The following SEC16B variants were observed in gnomAD, a reference collection of about 807,000 sequenced individuals.
SEC16B encodes the protein SEC16 homolog B, endoplasmic reticulum export factor, also known as protein transport protein Sec16B.
SEC16B carries 115 observed loss-of-function variants against 141.8 expected under a neutral mutation model. That is an observed-to-expected ratio of 0.81 (90% CI 0.70 to 0.95). SEC16B has a LOEUF of 0.95. Among genes scored for constraint, SEC16B ranks in the 40% least tolerant of loss-of-function variants. SEC16B has a pLI of 0.00. For missense variants in SEC16B, 1,291 were observed against 1,312.3 expected, an observed-to-expected ratio of 0.98 and a Z score of 0.25; for synonymous variants, 493 against 492.5, an observed-to-expected ratio of 1.00 and a Z score of -0.01.
At chr1:177,944,753 G>T in intron 14 of SEC16B, 87 bp from the exon 15 acceptor site, 1 of 1,080,818 alleles carries the variant, frequency 9.3e-7, no homozygotes, top group Non-Finnish European at 1.4e-6. Context: ...ACCAGCTGCA[G>T]CCTTTCATGG....
upstream of SEC16B, among the ~76,000 whole-genome samples, chr1:177,973,669 C>A (rs76579149): frequency 0.046 from 7,052 of 152,148 alleles, 213 homozygotes; most frequent in African/African-American, 0.06. Flanking sequence ...GTTTATTGAA[C>A]ACCTACTATA....
At chr1:177,966,980 G>A (rs1184857734) in intron 2 of SEC16B, among the ~76,000 whole-genome samples, 1 of 152,198 alleles carries the variant, frequency 6.6e-6, no homozygotes, top group Non-Finnish European at 1.5e-5. Context: ...AACTGGAAAA[G>A]CTGAAGTAGA....
At position 177,958,840 on chromosome 1, in the gene SEC16B, C is replaced by T; in HGVS notation, c.1134G>A (p.Gly378=). Residue 378 remains glycine, a splice_region_variant and synonymous_variant, in exon 9 of 26, where the codon GGG becomes GGA. Coordinates refer to ENST00000308284, the MANE Select transcript of SEC16B (RefSeq NM_033127.4). ...QLLVLLCRQN[G]SMVGSDIAEL... ...GCTCTCCCACCAGAACAGAACTTAC[C>T]CCATTCTGGCGACAAAGGAGAACCA... 1 of 1,613,118 alleles carries T rather than the reference C, an allele frequency of 6.2e-7. No individual in the cohort carries two copies. Among genetic ancestry groups the T allele is most frequent in the Non-Finnish European group, 8.5e-7 (1 of 1,179,386 alleles).
intron 2 of SEC16B, among the ~76,000 whole-genome samples, chr1:177,967,348 T>C (rs902843836): frequency 2.0e-5 from 3 of 152,126 alleles, no homozygotes; most frequent in African/African-American, 7.2e-5. Flanking sequence ...ATAAATGAAC[T>C]TTTGCAATCC....
At position 177,947,771 on chromosome 1, in the gene SEC16B, A is replaced by AGGGGAGGGGAGGGACAGGGAGGGGG. The variant is rs1557976309; in HGVS notation, c.1663+53_1663+54insCCCCCTCCCTGTCCCTCCCCTCCCC. 6 of 856,848 alleles carry AGGGGAGGGGAGGGACAGGGAGGGGG rather than the reference A, an allele frequency of 7.0e-6. No individual in the cohort carries two copies. In the African/African-American group the frequency reaches 1.2e-4, roughly 17 times the overall value. The allele number at this position is 856,848 out of a possible 1,614,324, so 53.1% of individuals were successfully genotyped here. On this transcript the variant is annotated intron_variant, in intron 13 of 25. Transcript: ENST00000308284. The stretch of plus-strand genomic sequence containing the variant: ...AGGTGAGGAAAGGGACAGGGAGGGG[A>AGGGGAGGGGAGGGACAGGGAGGGGG]GGGGAGGGAAGGGACAGGGAGGGGA...
At position 177,933,291 on chromosome 1, in the gene SEC16B, T is replaced by C; in HGVS notation, c.2746A>G (p.Ser916Gly). The change falls in exon 22 of 26, where the codon AGC (serine) becomes GGC (glycine). Residue 916 changes from serine to glycine, a missense_variant. Transcript: ENST00000308284. ...HTKSSGFGWF[S>G]WFRSKPTKNA... ...TTGGTGGGCTTCGATCGAAACCAGC[T>C]GAACCAGCCAAACCCTGAGCTCTGG... 6.2e-7 allele frequency: 1 copy of C among 1,600,532 alleles called. No individual in the cohort carries two copies. The highest frequency in any genetic ancestry group is 8.5e-7 in the Non-Finnish European group (1 of 1,173,692).
chr1:177,949,709 C>T (rs554588753), intron 12 of SEC16B, among the ~76,000 whole-genome samples: 2 of 152,188 alleles, frequency 1.3e-5, no homozygotes, highest in South Asian at 4.2e-4. Flanking sequence ...AGCCAAGTTC[C>T]CCTGGCAGAA....
At chr1:177,939,145 T>C (rs1324186850) in intron 18 of SEC16B, among the ~76,000 whole-genome samples, 1 of 152,196 alleles carries the variant, frequency 6.6e-6, no homozygotes, top group Non-Finnish European at 1.5e-5. Flanking sequence ...ACGGGGGCCC[T>C]TTCCCGGCCC....
intron 1 of SEC16B, among the ~76,000 whole-genome samples, chr1:177,982,644 A>T (rs896943057): frequency 7.2e-5 from 11 of 152,218 alleles, no homozygotes; most frequent in Non-Finnish European, 1.5e-4. Context: ...GAGTTCTAGG[A>T]AGCTGAGGCT....
Position 177,946,462 on chromosome 1 carries a change from G to C in SEC16B, c.1733C>G (p.Thr578Ser). The C allele has an allele frequency of 6.3e-7, 1 of 1,583,272 alleles. No individual in the cohort carries two copies. Among genetic ancestry groups the C allele is most frequent in the Non-Finnish European group, 8.6e-7 (1 of 1,165,052 alleles). The change falls in exon 14 of 26, where the codon ACC becomes AGC. Residue 578 changes from threonine to serine, a missense_variant. Transcript: ENST00000308284. ...CAAGACCAGATGGTCTGTCTTCACGGTGTAGTGGCCAAAGGGCACGTGAGC... is the reference window on the plus strand; with the variant it reads ...CAAGACCAGATGGTCTGTCTTCACGCTGTAGTGGCCAAAGGGCACGTGAGC... ...LMAHVPFGHYTVKTDHLVLLG... is the reference protein window; with the variant it reads ...LMAHVPFGHYSVKTDHLVLLG...
chr1:177,932,924 C>G lies in SEC16B; in HGVS notation c.2824-118G>C. On this transcript the variant is annotated intron_variant, in intron 22 of 25. Coordinates refer to ENST00000308284, the MANE Select transcript of SEC16B (RefSeq NM_033127.4). The stretch of plus-strand genomic sequence containing the variant: ...CCTTGCCACAAACTGCTGCTGGGCA[C>G]TCCCCAAAACCCCCCTCCTCATCCC... The G allele has an allele frequency of 3.2e-6, 3 of 944,552 alleles. No homozygotes were observed. In the South Asian group the frequency reaches 4.4e-5, roughly 14 times the overall value. 58.5% of individuals were successfully genotyped at this position (944,552 alleles called of 1,614,324 possible).
chr1:177,975,556 G>A (rs548791018), intron 1 of SEC16B, among the ~76,000 whole-genome samples: 2 of 152,164 alleles, frequency 1.3e-5, no homozygotes, highest in East Asian at 3.9e-4. Context: ...TGAAAATGAA[G>A]TCCCTAGCTA....
intron 6 of SEC16B, chr1:177,961,171 A>T (rs1227650383): frequency 1.9e-6 from 1 of 525,718 alleles, no homozygotes; most frequent in Non-Finnish European, 3.4e-6. Context: ...TCCAAATGAT[A>T]ATGCTCTCAG....
At chr1:177,966,272 CTCTTT>C (rs1335322505) in intron 2 of SEC16B, among the ~76,000 whole-genome samples, 3 of 151,466 alleles carry the variant, frequency 2.0e-5, no homozygotes, top group African/African-American at 7.3e-5. Flanking sequence ...TTATTTAAAA[CTCTTT>C]TATTTTGTAG....
chr1:177,968,527 C>G (rs1296138059), intron 1 of SEC16B, among the ~76,000 whole-genome samples: 1 of 152,110 alleles, frequency 6.6e-6, no homozygotes, highest in Non-Finnish European at 1.5e-5. Context: ...GAAATGGAGA[C>G]TGTAAGGACT....
intron 1 of SEC16B, among the ~76,000 whole-genome samples, chr1:177,976,308 G>A (rs958985997): frequency 2.0e-5 from 3 of 152,138 alleles, no homozygotes; most frequent in African/African-American, 7.2e-5. Flanking sequence ...CCGTTTGATT[G>A]ATGCCCCCTA....
intron 2 of SEC16B, 45 bp downstream of exon 2, chr1:177,967,638 A>G (rs1022080019): frequency 6.7e-7 from 1 of 1,485,128 alleles, no homozygotes; most frequent in Admixed American, 2.2e-5. Flanking sequence ...ACCTATTCAT[A>G]CGCATTTAGG....
intron 5 of SEC16B, among the ~76,000 whole-genome samples, 195 bp downstream of exon 5, chr1:177,963,976 G>A (rs899383037): frequency 3.9e-5 from 6 of 152,144 alleles, no homozygotes; most frequent in Non-Finnish European, 5.9e-5. Flanking sequence ...TCAGGGCCTC[G>A]GATGCCTAAG....
chr1:177,944,657 A>G lies in SEC16B; in HGVS notation c.1785T>C (p.Phe595=), dbSNP rs564857998. The change falls in exon 15 of 26, where the codon TTT becomes TTC. Residue 595 remains phenylalanine (F), a synonymous_variant. Transcript: ENST00000308284. ...TTGCCTCAGTTGTTGCAAATTTCAA[A>G]AACTCTTGACTAAAACCAGAGAATA... ...VLLGSSHSQE[F]LKFATTEAIQ... 1.2e-5 allele frequency: 20 copies of G among 1,613,504 alleles called. No individual in the cohort carries two copies. The African/African-American group carries it at 2.5e-4, about 20-fold the overall frequency.
Sources: gnomAD v4.1 joint callset for allele counts (sites outside exome capture counted in the v4.1 genomes callset) on GRCh38, gnomAD v4.1.1 for gene constraint, MANE v1.5 for transcripts, NCBI Gene and HGNC (gene_info 2026-07-23, HGNC 2026-07-21) for gene names.